The following PCDH11Y variants were observed in gnomAD, a reference collection of about 807,000 sequenced individuals.
PCDH11Y encodes the protein protocadherin-11 Y-linked.
For missense variants in PCDH11Y, 12 were observed against 224.8 expected, an observed-to-expected ratio of 0.05 and a Z score of 6.05; for synonymous variants, 9 against 83.6, an observed-to-expected ratio of 0.11 and a Z score of 4.87.
At chrY:5,660,908 A>G in intron 4 of PCDH11Y, among the ~76,000 whole-genome samples, 1 of 31,891 alleles carries the variant, frequency 3.1e-5, no homozygotes, top group Non-Finnish European at 7.6e-5. Flanking sequence ...TTCTTTAAAA[A>G]AATAACTCAA....
chrY:5,417,235 G>A lies in PCDH11Y; in HGVS notation c.3130-83822G>A, dbSNP rs373366242. ...AAATTTGATAATGGAACAATATTTTGTAGCTAATGTCTGATTTCAATGCTA... is the reference window on the plus strand; with the variant it reads ...AAATTTGATAATGGAACAATATTTTATAGCTAATGTCTGATTTCAATGCTA... On this transcript the variant is annotated intron_variant, in intron 2 of 4. Transcript: ENST00000400457. Among the ~76,000 whole-genome samples the A allele has an allele frequency of 1.3e-4, 4 of 30,804 alleles. No homozygotes were observed. In the East Asian group the frequency reaches 3.5e-3, roughly 27 times the overall value. The allele number at this position is 30,804 out of a possible 37,273, so 82.6% of individuals were successfully genotyped here.
chrY:5,721,232 G>T, intron 4 of PCDH11Y, among the ~76,000 whole-genome samples: 1 of 32,890 alleles, frequency 3.0e-5, no homozygotes, highest in Non-Finnish European at 7.5e-5. Flanking sequence ...CTCAAGAGAA[G>T]GGACTCATTT....
At chrY:5,385,883 G>C (rs2053214240) in intron 2 of PCDH11Y, among the ~76,000 whole-genome samples, 7 of 33,060 alleles carry the variant, frequency 2.1e-4, no homozygotes, top group Non-Finnish European at 3.7e-4. Flanking sequence ...GTTAATTTGA[G>C]TTCCTTGTAG....
At chrY:5,602,897 TACAC>T (rs2053474101) in intron 4 of PCDH11Y, among the ~76,000 whole-genome samples, 7 of 28,695 alleles carry the variant, frequency 2.4e-4, no homozygotes, top group African/African-American at 8.0e-4. Flanking sequence ...AATTTATACT[TACAC>T]ATATATATAT....
At chrY:5,104,454 A>G, downstream of PCDH11Y, 1 of 364,609 alleles carries the variant, frequency 2.7e-6, no homozygotes, top group Non-Finnish European at 3.8e-6. Flanking sequence ...TTTCAAAATT[A>G]GGCTAAGATC....
intron 4 of PCDH11Y, among the ~76,000 whole-genome samples, chrY:5,614,888 T>C (rs2053491463): frequency 3.5e-5 from 1 of 28,856 alleles, no homozygotes; most frequent in Middle Eastern, 0.014. Context: ...TAAAAAGAGG[T>C]TTAATTAGAC....
At chrY:5,430,799 G>T in intron 2 of PCDH11Y, among the ~76,000 whole-genome samples, 1 of 32,502 alleles carries the variant, frequency 3.1e-5, no homozygotes, top group African/African-American at 1.2e-4. Flanking sequence ...TATGTTATTT[G>T]TTTATTTAAT....
rs369400585 is a variant in PCDH11Y, at chrY:5,740,994, G to A, written c.*3052G>A. The A allele has an allele frequency of 2.2e-4, 5 of 22,831 alleles. No homozygotes were observed. The East Asian group carries it at 5.5e-3, about 25-fold the overall frequency. The allele number at this position is 22,831 out of a possible 400,897, so 5.7% of individuals were successfully genotyped here. ...AAATACTAAGTATCTTATATGCTAC[G>A]TGCATACACATTCTTTTCTTAAACT... On this transcript the variant is annotated 3_prime_UTR_variant, in exon 5 of 5. Coordinates refer to the PCDH11Y transcript ENST00000400457.
At chrY:5,481,996 C>CTTT in intron 2 of PCDH11Y, among the ~76,000 whole-genome samples, 1 of 15,082 alleles carries the variant, frequency 6.6e-5, no homozygotes, top group Non-Finnish European at 1.6e-4. Context: ...GTTCTTTTTT[C>CTTT]TTTTTTTTTT....
At chrY:5,385,129 CTTTTTTTTTTTTTT>C in intron 2 of PCDH11Y, among the ~76,000 whole-genome samples, 2 of 9,589 alleles carry the variant, frequency 2.1e-4, no homozygotes, top group South Asian at 4.1e-3. Flanking sequence ...TACTGGCCAG[CTTTTTTTTTTTTTT>C]TTTTTTTTTA....
intron 2 of PCDH11Y, among the ~76,000 whole-genome samples, chrY:5,415,489 G>A: frequency 6.3e-5 from 2 of 31,880 alleles, no homozygotes; most frequent in Non-Finnish European, 1.5e-4. Context: ...GCTATGATGC[G>A]GGATCCTGCA....
At position 5,031,422 on chromosome Y, in the gene PCDH11Y, A is replaced by G. The variant is rs2124621568; in HGVS notation, c.-133-484A>G. Among the ~76,000 whole-genome samples, 9 of 33,035 alleles carry G rather than the reference A, an allele frequency of 2.7e-4. No homozygotes were observed. In the East Asian group the frequency reaches 7.1e-3, roughly 26 times the overall value. 88.6% of individuals were successfully genotyped at this position (33,035 alleles called of 37,273 possible). A position where few individuals can be genotyped will look rare whatever the true frequency, so the allele number is the denominator to read the frequency against. On this transcript the variant is annotated intron_variant, in intron 1 of 5. Coordinates refer to the PCDH11Y transcript ENST00000333703. ...GATTTATATTAGTATCATTATTATC[A>G]CTTTTCATTTAATCCATAATTTTTG...
At chrY:5,214,186 T>C in intron 2 of PCDH11Y, among the ~76,000 whole-genome samples, 3 of 33,193 alleles carry the variant, frequency 9.0e-5, no homozygotes, top group Admixed American at 2.7e-4. Context: ...AATGTAAATT[T>C]AAGCCCATGT....
At chrY:5,460,198 A>G in intron 2 of PCDH11Y, among the ~76,000 whole-genome samples, 4 of 32,905 alleles carry the variant, frequency 1.2e-4, no homozygotes, top group African/African-American at 4.7e-4. Flanking sequence ...AGCAGCAAAT[A>G]TAGATGGGAT....
intron 2 of PCDH11Y, among the ~76,000 whole-genome samples, chrY:5,487,189 T>A: frequency 3.2e-5 from 1 of 31,686 alleles, no homozygotes; most frequent in Non-Finnish European, 7.7e-5. Flanking sequence ...CTTTTAATAT[T>A]TTTTTTTGTT....
chrY:5,310,335 A>G (rs2053098306), intron 2 of PCDH11Y, among the ~76,000 whole-genome samples: 2 of 33,179 alleles, frequency 6.0e-5, no homozygotes, highest in South Asian at 6.7e-4. Flanking sequence ...GGTTTTATGC[A>G]CTTACATCTA....
chrY:5,614,283 G>T, intron 4 of PCDH11Y, among the ~76,000 whole-genome samples: 1 of 23,772 alleles, frequency 4.2e-5, no homozygotes, highest in South Asian at 1.1e-3. Flanking sequence ...TCTTTCCTCT[G>T]TATGGCATAC....
downstream of PCDH11Y, among the ~76,000 whole-genome samples, chrY:5,108,014 G>C (rs1602868652): frequency 1.9e-4 from 5 of 26,476 alleles, no homozygotes; most frequent in Admixed American, 1.1e-3. Context: ...AGCCGAGATC[G>C]CGCCACTGCA....
At chrY:5,554,198 C>T (rs1602942514) in intron 3 of PCDH11Y, among the ~76,000 whole-genome samples, 1 of 33,574 alleles carries the variant, frequency 3.0e-5, no homozygotes, top group East Asian at 8.0e-4. Context: ...TTCCCCTGCT[C>T]TAGGGATTTG....
Sources: gnomAD v4.1 joint callset for allele counts (sites outside exome capture counted in the v4.1 genomes callset) on GRCh38, gnomAD v4.1.1 for gene constraint, MANE v1.5 for transcripts, NCBI Gene and HGNC (gene_info 2026-07-23, HGNC 2026-07-21) for gene names.